The following OR1J2 variants were observed in gnomAD, a reference collection of about 807,000 sequenced individuals.
The protein encoded by OR1J2 is olfactory receptor family 1 subfamily J member 2, also known as olfactory receptor 1J2.
For synonymous variants in OR1J2, 142 were observed against 99.7 expected (o/e 1.42, Z -2.52); for missense variants, 304 against 246.1 (o/e 1.24, Z -1.57).
the OR1J2 span, among the ~76,000 whole-genome samples, chr9:122,563,433 T>G: frequency 6.6e-6 from 1 of 152,214 alleles, no homozygotes; most frequent in Non-Finnish European, 1.5e-5. Flanking sequence ...ATTTAGGTCT[T>G]TTCTCCATTT....
the OR1J2 span, among the ~76,000 whole-genome samples, chr9:122,503,965 TTG>T: frequency 6.6e-6 from 1 of 152,178 alleles, no homozygotes; most frequent in Non-Finnish European, 1.5e-5. Flanking sequence ...CCAGGACTTT[TTG>T]TCTCTTTTTC....
chr9:122,458,038 TA>T, the OR1J2 span, among the ~76,000 whole-genome samples: 1 of 152,222 alleles, frequency 6.6e-6, no homozygotes, highest in Non-Finnish European at 1.5e-5. Context: ...CATATTTTTT[TA>T]GATCTTGTTT....
At chr9:122,507,902 T>C (rs977995267), upstream of OR1J2, among the ~76,000 whole-genome samples, 3 of 152,134 alleles carry the variant, frequency 2.0e-5, no homozygotes, top group African/African-American at 7.2e-5. Context: ...TCACTTCATC[T>C]TACAAAAACC....
chr9:122,567,736 C>A, the OR1J2 span: 7 of 1,613,950 alleles, frequency 4.3e-6, no homozygotes, highest in South Asian at 2.2e-5. Context: ...AGCGTCACCA[C>A]GGTGAGGTAA....
At chr9:122,477,861 C>T in the OR1J2 span, 2 of 1,613,766 alleles carry the variant, frequency 1.2e-6, no homozygotes, top group South Asian at 1.1e-5. Flanking sequence ...CGGCCTGCTG[C>T]TCTGGCCGGA....
At chr9:122,512,145 T>C (rs1186350884), downstream of OR1J2, among the ~76,000 whole-genome samples, 1 of 152,220 alleles carries the variant, frequency 6.6e-6, no homozygotes, top group African/African-American at 2.4e-5. Context: ...GACTGAGTGG[T>C]ATCATTAGTG....
the OR1J2 span, among the ~76,000 whole-genome samples, chr9:122,499,856 G>C: frequency 3.9e-5 from 6 of 152,150 alleles, no homozygotes; most frequent in Non-Finnish European, 8.8e-5. Flanking sequence ...GATCTCAGGG[G>C]AGCAGGGTGG....
the OR1J2 span, chr9:122,553,421 A>G: frequency 6.2e-7 from 1 of 1,614,010 alleles, no homozygotes; most frequent in African/African-American, 1.3e-5. Context: ...CCAACCTGTC[A>G]TTAACTGATG....
the OR1J2 span, among the ~76,000 whole-genome samples, chr9:122,484,050 C>T: frequency 9.9e-5 from 15 of 150,834 alleles, no homozygotes; most frequent in South Asian, 3.1e-3. Context: ...ATGAAGTAAT[C>T]AATATTAGGA....
chr9:122,526,663 A>C, the OR1J2 span: 1 of 1,614,224 alleles, frequency 6.2e-7, no homozygotes. Flanking sequence ...GTGACAATGC[A>C]TAAAAAGGGG....
chr9:122,466,053 C>T, the OR1J2 span, among the ~76,000 whole-genome samples: 1 of 152,166 alleles, frequency 6.6e-6, no homozygotes, highest in South Asian at 2.1e-4. Context: ...ATAATTTCGA[C>T]TTATCATCCA....
the OR1J2 span, among the ~76,000 whole-genome samples, chr9:122,462,299 A>G: frequency 1.4e-5 from 2 of 141,978 alleles, no homozygotes; most frequent in Non-Finnish European, 1.5e-5. Flanking sequence ...CCTTAAGTGT[A>G]TGTGAGTCCT....
chr9:122,503,434 G>A, the OR1J2 span, among the ~76,000 whole-genome samples: 2 of 152,216 alleles, frequency 1.3e-5, no homozygotes, highest in African/African-American at 4.8e-5. Flanking sequence ...ATGGTGAGAG[G>A]AAGTCCATGC....
chr9:122,558,310 G>GTTTT, the OR1J2 span, among the ~76,000 whole-genome samples: 4 of 24,208 alleles, frequency 1.7e-4, no homozygotes, highest in African/African-American at 3.1e-4. Context: ...TTTGGATTTT[G>GTTTT]CTTTTTTTTT....
At chr9:122,450,157 T>C in the OR1J2 span, among the ~76,000 whole-genome samples, 58,749 of 152,052 alleles carry the variant, frequency 0.39, 13,641 homozygotes, top group African/African-American at 0.65. Context: ...TGGCCGTGCA[T>C]GGTGGCTCAT....
chr9:122,508,986 C>T (rs1173693300), upstream of OR1J2, among the ~76,000 whole-genome samples: 2 of 152,204 alleles, frequency 1.3e-5, no homozygotes, highest in East Asian at 1.9e-4. Context: ...CCCCTTCCTT[C>T]GTCCTCTGAG....
chr9:122,523,621 C>T, the OR1J2 span, among the ~76,000 whole-genome samples: 6 of 152,102 alleles, frequency 3.9e-5, no homozygotes, highest in South Asian at 2.1e-4. Flanking sequence ...GTAGACTAGA[C>T]GGTATTGGTA....
chr9:122,526,091 GTAA>G, the OR1J2 span, among the ~76,000 whole-genome samples: 1 of 152,106 alleles, frequency 6.6e-6, no homozygotes, highest in Non-Finnish European at 1.5e-5. Flanking sequence ...AATACTAATA[GTAA>G]TAATAATAGC....
At chr9:122,454,426 G>A in the OR1J2 span, among the ~76,000 whole-genome samples, 1 of 152,114 alleles carries the variant, frequency 6.6e-6, no homozygotes, top group African/African-American at 2.4e-5. Context: ...GCTGAGATAT[G>A]AGAATTGCTT....
Sources: allele counts gnomAD v4.1 joint callset (sites outside exome capture counted in the v4.1 genomes callset), GRCh38; gene constraint gnomAD v4.1.1; transcripts MANE v1.5; gene names NCBI Gene and HGNC (gene_info 2026-07-23, HGNC 2026-07-21).